The following KCNQ4 variants were observed in gnomAD, a reference collection of about 807,000 sequenced individuals.
KCNQ4 encodes potassium voltage-gated channel subfamily Q member 4.
Under a neutral mutation model 72.6 loss-of-function variants are expected in KCNQ4, and 31 were observed. That is an observed-to-expected ratio of 0.43 (90% CI 0.32 to 0.58). The LOEUF is 0.58. Among genes scored for constraint, KCNQ4 ranks in the 20% least tolerant of loss-of-function variants. The probability of loss-of-function intolerance (pLI) is 0.08; values close to 1 mark genes in which losing one functional copy is unlikely to be tolerated. For synonymous variants in KCNQ4, 405 were observed against 403.7 expected, an observed-to-expected ratio of 1.00 and a Z score of -0.04; for missense variants, 869 against 962.6, an observed-to-expected ratio of 0.90 and a Z score of 1.29.
intron 9 of KCNQ4, among the ~76,000 whole-genome samples, chr1:40,829,166 A>C (rs1054576144): frequency 6.6e-6 from 1 of 152,212 alleles, no homozygotes; most frequent in Non-Finnish European, 1.5e-5. Context: ...CCAAAGTGTC[A>C]GGGCCTTCTC....
intron 1 of KCNQ4, among the ~76,000 whole-genome samples, chr1:40,805,882 C>A (rs1046520189): frequency 1.4e-4 from 22 of 152,032 alleles, no homozygotes; most frequent in Non-Finnish European, 2.8e-4. Context: ...TGCTCTGTCG[C>A]CCAGGCTGGA....
At position 40,837,381 on chromosome 1, in the gene KCNQ4, C is replaced by A. The variant is rs143143085; in HGVS notation, c.1746-284C>A. The stretch of plus-strand genomic sequence containing the variant: ...ATGCTGGGATTATAGGCATGCGCCA[C>A]TGCGCTGGGCCTCCTAGTCCACTAT... On this transcript the variant is annotated intron_variant, in intron 12 of 13. Transcript: ENST00000347132. Among the ~76,000 whole-genome samples, 671 of 152,382 alleles carry A rather than the reference C, an allele frequency of 4.4e-3. 5 individuals carry two copies. Among genetic ancestry groups the A allele is most frequent in the African/African-American group, 0.016 (646 of 41,584 alleles).
In KCNQ4 at chr1:40,812,702, T is replaced by C. The variant is rs74071710; in HGVS notation, c.315-4563T>C. 2.3e-3 allele frequency among the ~76,000 whole-genome samples: 347 copies of C among 152,240 alleles called. 4 individuals carry two copies. The highest frequency in any genetic ancestry group is 7.7e-3 in the African/African-American group (321 of 41,546). Reference sequence around the variant, plus strand: ...TTAAGCAGCGTCCGCCAAATGGAGATGGTCAAGGTCAGAGGCGTTACTTTT... The same window carrying C: ...TTAAGCAGCGTCCGCCAAATGGAGACGGTCAAGGTCAGAGGCGTTACTTTT... On this transcript the variant is annotated intron_variant, in intron 1 of 13. Transcript: ENST00000347132.
At chr1:40,802,647 G>T (rs1014920269) in intron 1 of KCNQ4, among the ~76,000 whole-genome samples, 1 of 152,192 alleles carries the variant, frequency 6.6e-6, no homozygotes, top group Non-Finnish European at 1.5e-5. Context: ...GGCGGGGGAA[G>T]GGGGCCGAGG....
intron 1 of KCNQ4, among the ~76,000 whole-genome samples, chr1:40,814,046 CTTTTTTTTT>C (rs35243800): frequency 1.9e-5 from 1 of 52,698 alleles, no homozygotes; most frequent in Non-Finnish European, 3.3e-5. Flanking sequence ...TGCGCCCGGC[CTTTTTTTTT>C]TTTTTTTTTT....
intron 1 of KCNQ4, among the ~76,000 whole-genome samples, chr1:40,798,452 T>C (rs1247095324): frequency 2.6e-5 from 4 of 152,204 alleles, no homozygotes; most frequent in African/African-American, 9.6e-5. Context: ...GCTGGACCCA[T>C]TGTGGGCTTT....
intron 1 of KCNQ4, among the ~76,000 whole-genome samples, chr1:40,814,145 C>T (rs771503612): frequency 8.6e-5 from 13 of 150,320 alleles, no homozygotes; most frequent in East Asian, 2.0e-4. Flanking sequence ...CCTCCGCCTC[C>T]CAAGTTCAAG....
In KCNQ4 at chr1:40,813,634, C is replaced by T. The variant is rs562051815; in HGVS notation, c.315-3631C>T. Among the ~76,000 whole-genome samples, 6 of 152,272 alleles carry T rather than the reference C, an allele frequency of 3.9e-5. No individual in the cohort carries two copies. In the East Asian group the frequency reaches 9.6e-4, roughly 24 times the overall value. ...GTCATTGAGCAGGCATTTGGACACA[C>T]GAGCTGGACACCTGGGAGAGGCTGC... On this transcript the variant is annotated intron_variant, in intron 1 of 13. Coordinates refer to ENST00000347132, the MANE Select transcript of KCNQ4 (RefSeq NM_004700.4).
Position 40,819,947 on chromosome 1 carries a change from T to C in KCNQ4, c.907T>C (p.Phe303Leu). 1 of 1,614,102 alleles carries C rather than the reference T, an allele frequency of 6.2e-7. No homozygotes were observed. The highest frequency in any genetic ancestry group is 2.2e-5 in the East Asian group (1 of 44,894). Residue 303 changes from phenylalanine to leucine, a missense_variant, in exon 6 of 14, where the codon TTC (phenylalanine) becomes CTC (leucine). Physicochemically the swap from Phe to Leu is conservative, Grantham distance 22. This residue lies in a region of KCNQ4 where 13 missense variants were observed against 46.0 expected (regional missense o/e 0.28). Transcript: ENST00000347132. ...TWLGRVLAAG[F>L]ALLGISFFAL... Reference sequence around the variant, plus strand: ...GCTGGGCAGGGTCCTGGCTGCTGGCTTCGCCTTACTGGGCATCTCTTTCTT... The same window carrying C: ...GCTGGGCAGGGTCCTGGCTGCTGGCCTCGCCTTACTGGGCATCTCTTTCTT...
chr1:40,827,637 C>T (rs1457830270), intron 9 of KCNQ4, among the ~76,000 whole-genome samples: 1 of 152,174 alleles, frequency 6.6e-6, no homozygotes, highest in Non-Finnish European at 1.5e-5. Context: ...GGTCCCGGAG[C>T]TAGGAGATGA....
chr1:40,810,364 C>T (rs749926106), intron 1 of KCNQ4, among the ~76,000 whole-genome samples: 3 of 152,222 alleles, frequency 2.0e-5, no homozygotes, highest in South Asian at 2.1e-4. Flanking sequence ...GGACTCTCCC[C>T]GACCCCTTGA....
In KCNQ4 at chr1:40,838,552, G is replaced by A. The variant is rs1411334219; in HGVS notation, c.*29G>A. 15 of 1,605,418 alleles carry A rather than the reference G, an allele frequency of 9.3e-6. No homozygotes were observed. Among genetic ancestry groups the A allele is most frequent in the East Asian group, 2.2e-5 (1 of 44,818 alleles). Reference sequence around the variant, plus strand: ...ACTTCTCAGAGGCAGGGCAGCACACGGCCAGCCCCGCGGCCTGGCGCTCCG... The same window carrying A: ...ACTTCTCAGAGGCAGGGCAGCACACAGCCAGCCCCGCGGCCTGGCGCTCCG... On this transcript the variant is annotated 3_prime_UTR_variant, in exon 14 of 14. Transcript: ENST00000347132.
At chr1:40,796,817 T>C (rs781681680) in intron 1 of KCNQ4, among the ~76,000 whole-genome samples, 92 of 151,862 alleles carry the variant, frequency 6.1e-4, no homozygotes, top group Non-Finnish European at 1.1e-3. Context: ...ACTTGGGAGG[T>C]TGAGGCATCA....
At chr1:40,802,554 C>A (rs1291420934) in intron 1 of KCNQ4, among the ~76,000 whole-genome samples, 2 of 151,834 alleles carry the variant, frequency 1.3e-5, no homozygotes, top group Non-Finnish European at 2.9e-5. Flanking sequence ...CGCCCATTTC[C>A]GTAAGCCCCG....
At chr1:40,813,940 G>A (rs1648004535) in intron 1 of KCNQ4, among the ~76,000 whole-genome samples, 1 of 151,564 alleles carries the variant, frequency 6.6e-6, no homozygotes, top group Non-Finnish European at 1.5e-5. Context: ...ATAGAGACAG[G>A]GTTTCACCGT....
intron 10 of KCNQ4, among the ~76,000 whole-genome samples, chr1:40,831,648 G>C (rs1216099016): frequency 6.6e-6 from 1 of 152,176 alleles, no homozygotes; most frequent in Non-Finnish European, 1.5e-5. Flanking sequence ...TCATAAAATG[G>C]GAACAATAAT....
intron 10 of KCNQ4, 32 bp from the exon 11 acceptor site, chr1:40,832,964 TTGGGAGTGGCCCCTTTGG>T (rs1258730273): frequency 7.4e-7 from 1 of 1,358,434 alleles, no homozygotes; most frequent in Non-Finnish European, 1.1e-6. Flanking sequence ...GGATGGGAGG[TTGGGAGTGGCCCCTTTGG>T]TGGGCCACTT....
intron 9 of KCNQ4, chr1:40,826,576 A>G (rs1293095178): frequency 4.6e-6 from 2 of 432,460 alleles, no homozygotes; most frequent in South Asian, 1.6e-5. Flanking sequence ...GCAGCTCCCC[A>G]CACTCTGCCC....
Position 40,785,365 on chromosome 1 carries a change from G to C in KCNQ4, c.314+958G>C, listed in dbSNP as rs1456637191. 2.0e-5 allele frequency among the ~76,000 whole-genome samples: 3 copies of C among 152,224 alleles called. No individual in the cohort carries two copies. The East Asian group carries it at 5.8e-4, about 29-fold the overall frequency. ...GCTGGGCCTGACGCTGGGACGCTCAGAGGTGCCCAGAGAGAGACCTCTGGT... is the reference window on the plus strand; with the variant it reads ...GCTGGGCCTGACGCTGGGACGCTCACAGGTGCCCAGAGAGAGACCTCTGGT... On this transcript the variant is annotated intron_variant, in intron 1 of 13. Transcript: ENST00000347132.
Sources: allele counts gnomAD v4.1 joint callset (sites outside exome capture counted in the v4.1 genomes callset), GRCh38; gene constraint gnomAD v4.1.1; regional missense constraint gnomAD v4.1.1; transcripts MANE v1.5; gene names NCBI Gene and HGNC (gene_info 2026-07-23, HGNC 2026-07-21).